The following VPS53 variants were observed in gnomAD, a reference collection of about 807,000 sequenced individuals.
VPS53 encodes vacuolar protein sorting-associated protein 53 homolog.
In VPS53, 70 loss-of-function variants were observed where a neutral mutation model predicts 107.0. The ratio of observed to expected loss-of-function variants is 0.65; its 90% CI spans 0.54 to 0.80. The LOEUF (loss-of-function observed/expected upper bound fraction) is 0.80. VPS53 is among the 30% of genes least tolerant of loss of function. VPS53 has a pLI of 0.00. For synonymous variants in VPS53, 409 were observed against 393.3 expected (o/e 1.04, Z -0.47); for missense variants, 917 against 1,049.4 (o/e 0.87, Z 1.74).
At chr17:585,984 T>C (rs1237929789) in intron 13 of VPS53, among the ~76,000 whole-genome samples, 4 of 152,176 alleles carry the variant, frequency 2.6e-5, no homozygotes, top group African/African-American at 7.2e-5. Flanking sequence ...CTGTAAAGCT[T>C]TGTGGGCTGA....
intron 5 of VPS53, among the ~76,000 whole-genome samples, chr17:658,280 CGGCCGTG>C (rs1597449319): frequency 1.1e-3 from 136 of 119,604 alleles, no homozygotes; most frequent in South Asian, 4.0e-3. Flanking sequence ...GTGAGAAACT[CGGCCGTG>C]AGTTCGTGGA....
chr17:579,211 GAGAA>G (rs1966870336), intron 13 of VPS53, among the ~76,000 whole-genome samples: 1 of 147,106 alleles, frequency 6.8e-6, no homozygotes, highest in East Asian at 2.1e-4. Context: ...TGCGTTCCCA[GAGAA>G]CCTCCCTCAG....
In VPS53 at chr17:520,003, C is replaced by T; in HGVS notation, c.2224-73G>A. 1 of 1,068,372 alleles carries T rather than the reference C, an allele frequency of 9.4e-7. No individual in the cohort carries two copies. Among genetic ancestry groups the T allele is most frequent in the Non-Finnish European group, 1.4e-6 (1 of 713,228 alleles). The allele number at this position is 1,068,372 out of a possible 1,614,324, so 66.2% of individuals were successfully genotyped here. A position where few individuals can be genotyped will look rare whatever the true frequency, so the allele number is the denominator to read the frequency against. On this transcript the variant is annotated intron_variant, in intron 20 of 21. Coordinates refer to ENST00000437048, the MANE Select transcript of VPS53 (RefSeq NM_001128159.3). The surrounding 1 kb of genome is among the most constrained non-coding windows in gnomAD (Gnocchi z 4.4). ...ACGGGAGGAGACAGGAGCGGGCCCT[C>T]AAGAAAACTCACTACCCACCGCAGG...
chr17:689,907 G>T (rs1243209152), intron 4 of VPS53, among the ~76,000 whole-genome samples: 1 of 152,194 alleles, frequency 6.6e-6, no homozygotes, highest in Non-Finnish European at 1.5e-5. Flanking sequence ...ATGTAAAAGT[G>T]AAGAAGGCAA....
At position 592,885 on chromosome 17, in the gene VPS53, G is replaced by C. The variant is rs533430878; in HGVS notation, c.1219-6521C>G. Reference sequence around the variant, plus strand: ...GTGTCTTGGTGTTGCTCTTCTCGAGGAGTATCTTTGTGGCGTTCTCTGTAT... The same window carrying C: ...GTGTCTTGGTGTTGCTCTTCTCGAGCAGTATCTTTGTGGCGTTCTCTGTAT... On this transcript the variant is annotated intron_variant, in intron 12 of 21. Transcript: ENST00000437048. Among the ~76,000 whole-genome samples, 230 of 152,220 alleles carry C rather than the reference G, an allele frequency of 1.5e-3. 2 individuals are homozygous for C. Among genetic ancestry groups the C allele is most frequent in the African/African-American group, 5.2e-3 (218 of 41,534 alleles).
chr17:625,201 C>T (rs1031719348), intron 10 of VPS53, among the ~76,000 whole-genome samples: 2 of 151,976 alleles, frequency 1.3e-5, no homozygotes, highest in Admixed American at 1.3e-4. Context: ...GTTGCCCAGG[C>T]TTGTCTCAAA....
intron 1 of VPS53, among the ~76,000 whole-genome samples, chr17:712,369 C>T (rs200593306): frequency 4.1e-5 from 6 of 145,418 alleles, no homozygotes; most frequent in Non-Finnish European, 6.1e-5. Context: ...TTAGGAGAGA[C>T]GGGGTTTCAC....
At chr17:631,884 A>G (rs1969979793) in intron 7 of VPS53, among the ~76,000 whole-genome samples, 1 of 152,086 alleles carries the variant, frequency 6.6e-6, no homozygotes. Flanking sequence ...GGTCATATGT[A>G]TTAATCTTTA....
At chr17:592,881 C>T (rs559761709) in intron 12 of VPS53, among the ~76,000 whole-genome samples, 1,795 of 152,242 alleles carry the variant, frequency 0.012, 38 homozygotes, top group African/African-American at 0.041. Flanking sequence ...TTGCTCTTCT[C>T]GAGGAGTATC....
At chr17:606,861 C>T (rs567018010) in intron 11 of VPS53, among the ~76,000 whole-genome samples, 1 of 150,056 alleles carries the variant, frequency 6.7e-6, no homozygotes, top group Admixed American at 6.7e-5. Context: ...CCCCCATCCC[C>T]TGCACTCCCA....
chr17:636,373 T>C (rs898906195), intron 7 of VPS53, among the ~76,000 whole-genome samples: 1 of 152,226 alleles, frequency 6.6e-6, no homozygotes, highest in Admixed American at 6.5e-5. Context: ...CAGGGACAAT[T>C]TGACTTCCTC....
intron 13 of VPS53, among the ~76,000 whole-genome samples, chr17:566,026 AC>A (rs1476210985): frequency 2.0e-5 from 3 of 151,500 alleles, no homozygotes; most frequent in Non-Finnish European, 4.4e-5. Context: ...AAACGGTGAA[AC>A]CCCGTCTCTA....
At position 530,984 on chromosome 17, in the gene VPS53, G is replaced by A. The variant is rs375759582; in HGVS notation, c.2085+1858C>T. 1.3e-3 allele frequency among the ~76,000 whole-genome samples: 204 copies of A among 152,324 alleles called. 4 individuals carry two copies. In the South Asian group the frequency reaches 0.041, roughly 31 times the overall value. On this transcript the variant is annotated intron_variant, in intron 19 of 21. Coordinates refer to ENST00000437048, the MANE Select transcript of VPS53 (RefSeq NM_001128159.3). ...GGCAAGGCAGACACAGCTGAGGTTG[G>A]GCTAAATCTTAGCTTCCAATGCCAT...
intron 14 of VPS53, among the ~76,000 whole-genome samples, chr17:561,395 G>C (rs914672565): frequency 2.0e-5 from 3 of 152,192 alleles, no homozygotes; most frequent in Non-Finnish European, 4.4e-5. Context: ...AATCCCAGCT[G>C]AGTATGCCAT....
At chr17:608,536 G>A (rs929618187) in intron 11 of VPS53, among the ~76,000 whole-genome samples, 6 of 151,932 alleles carry the variant, frequency 3.9e-5, no homozygotes, top group African/African-American at 1.5e-4. Flanking sequence ...TAGTTAAGAA[G>A]AGATGTTTAT....
intron 1 of VPS53, among the ~76,000 whole-genome samples, chr17:711,220 C>T (rs1385171291): frequency 6.6e-6 from 1 of 152,048 alleles, no homozygotes; most frequent in Non-Finnish European, 1.5e-5. Flanking sequence ...AAAAACAGTC[C>T]ACCTCTAAGA....
intron 4 of VPS53, among the ~76,000 whole-genome samples, chr17:693,733 A>G (rs765941423): frequency 5.9e-5 from 9 of 152,202 alleles, no homozygotes; most frequent in Non-Finnish European, 1.3e-4. Flanking sequence ...CCCTAACATG[A>G]TAATAATAAA....
chr17:555,499 A>C (rs1247131126), intron 15 of VPS53, among the ~76,000 whole-genome samples: 1 of 151,924 alleles, frequency 6.6e-6, no homozygotes, highest in Non-Finnish European at 1.5e-5. Flanking sequence ...GCCCGGCCCT[A>C]ATTTTTGTAT....
intron 4 of VPS53, among the ~76,000 whole-genome samples, chr17:680,050 T>G (rs1207829054): frequency 1.3e-5 from 2 of 152,146 alleles, no homozygotes; most frequent in Non-Finnish European, 1.5e-5. Context: ...TCCCAGCACT[T>G]TGGGAGGCCG....
Sources: allele counts gnomAD v4.1 joint callset (sites outside exome capture counted in the v4.1 genomes callset), GRCh38; gene constraint gnomAD v4.1.1; non-coding constraint Gnocchi (gnomAD v3.1); transcripts MANE v1.5; gene names NCBI Gene and HGNC (gene_info 2026-07-23, HGNC 2026-07-21).